SLC4A9: variants seen among roughly 807,000 people sequenced by gnomAD.
SLC4A9 encodes solute carrier family 4 member 9.
SLC4A9 carries 102 observed loss-of-function variants against 103.2 expected under a neutral mutation model. That is an observed-to-expected ratio of 0.99 (90% CI 0.84 to 1.17). The LOEUF (loss-of-function observed/expected upper bound fraction) is 1.17. Among genes scored for constraint, SLC4A9 ranks in the 50% most tolerant of loss-of-function variants. The pLI is 0.00. For missense variants in SLC4A9, 1,091 were observed against 1,193.7 expected (o/e 0.91, Z 1.27); for synonymous variants, 453 against 483.6 (o/e 0.94, Z 0.83).
chr5:140,363,289 C>G lies in SLC4A9; in HGVS notation c.963-150C>G. ...CTGGCTTTCACAGGTCGCAATATGACCTGGACCTTCTAGAGGCCCAGGTGT... is the reference window on the plus strand; with the variant it reads ...CTGGCTTTCACAGGTCGCAATATGAGCTGGACCTTCTAGAGGCCCAGGTGT... On this transcript the variant is annotated intron_variant, in intron 7 of 21. Coordinates refer to ENST00000506757, the MANE Select transcript of SLC4A9 (RefSeq NM_031467.3). The surrounding 1 kb of genome is among the most constrained non-coding windows in gnomAD (Gnocchi z 4.5). 1.1e-6 allele frequency: 1 copy of G among 910,490 alleles called. No individual in the cohort carries two copies. Among genetic ancestry groups the G allele is most frequent in the East Asian group, 2.6e-5 (1 of 37,840 alleles). 56.4% of individuals were successfully genotyped at this position (910,490 alleles called of 1,614,324 possible).
rs919521362 is a variant in SLC4A9 at position 140,366,132 on chromosome 5, A to G, written c.1900-19A>G. ...GAGATGGCAGGCCTGGACCTGACTGAGTGTCCACTGTGTGCCAGGTGCGCA... is the reference window on the plus strand; with the variant it reads ...GAGATGGCAGGCCTGGACCTGACTGGGTGTCCACTGTGTGCCAGGTGCGCA... On this transcript the variant is annotated intron_variant, in intron 13 of 21. Transcript: ENST00000506757. 1 of 1,611,426 alleles carries G rather than the reference A, an allele frequency of 6.2e-7. No individual in the cohort carries two copies. Among genetic ancestry groups the G allele is most frequent in the African/African-American group, 1.3e-5 (1 of 74,850 alleles).
chr5:140,370,655 T>C (rs1179075779), intron 17 of SLC4A9, among the ~76,000 whole-genome samples: 7 of 151,972 alleles, frequency 4.6e-5, no homozygotes, highest in African/African-American at 1.7e-4. Flanking sequence ...GCATGAGTAA[T>C]AAGAATAAAC....
intron 18 of SLC4A9, 36 bp downstream of exon 18, chr5:140,371,199 G>A: frequency 6.3e-7 from 1 of 1,582,140 alleles, no homozygotes. Flanking sequence ...AAAGAAAAAA[G>A]AAGAATAAAA....
rs1283464496 is a variant in SLC4A9 at position 140,367,398 on chromosome 5, T to C, written c.2014-22T>C. On this transcript the variant is annotated intron_variant, in intron 14 of 21. Coordinates refer to ENST00000506757, the MANE Select transcript of SLC4A9 (RefSeq NM_031467.3). Reference sequence around the variant, plus strand: ...CTCTTGGGAGACCCACTCCAACCTGTCCATGAAATGCCCTCCTCCAGCCCA... The same window carrying C: ...CTCTTGGGAGACCCACTCCAACCTGCCCATGAAATGCCCTCCTCCAGCCCA... The C allele has an allele frequency of 3.1e-6, 5 of 1,608,768 alleles. No homozygotes were observed. The Admixed American group carries it at 5.0e-5, about 16-fold the overall frequency.
Position 140,366,140 on chromosome 5 carries a change from CTGTG to C in SLC4A9, c.1900-8_1900-5del, listed in dbSNP as rs1157217989. 3.1e-6 allele frequency: 5 copies of C among 1,612,524 alleles called. No homozygotes were observed. The highest frequency in any genetic ancestry group is 3.4e-6 in the Non-Finnish European group (4 of 1,178,986). On this transcript the variant is annotated splice_region_variant and splice_polypyrimidine_tract_variant and intron_variant, in intron 13 of 21. Coordinates refer to ENST00000506757, the MANE Select transcript of SLC4A9 (RefSeq NM_031467.3). ...AGGCCTGGACCTGACTGAGTGTCCACTGTGTGCCAGGTGCGCAAAGGGCTCAGCG... is the reference window on the plus strand; with the variant it reads ...AGGCCTGGACCTGACTGAGTGTCCACTGCCAGGTGCGCAAAGGGCTCAGCG...
chr5:140,363,776 C>T lies in SLC4A9; in HGVS notation c.1128C>T (p.Tyr376=). Residue 376 remains tyrosine (Y), a synonymous_variant, in exon 9 of 22, where the codon TAC becomes TAT. Coordinates refer to ENST00000506757, the MANE Select transcript of SLC4A9 (RefSeq NM_031467.3). The surrounding 1 kb of genome is among the most constrained non-coding windows in gnomAD (Gnocchi z 4.5). ...IQDVRRKVPW[Y]PSDFLDALHL... is the part of the protein sequence containing the mutation. Reference sequence around the variant, plus strand: ...ACGTGCGCAGGAAGGTCCCGTGGTACCCCAGCGATTTCTTGGACGCCCTGC... The same window carrying T: ...ACGTGCGCAGGAAGGTCCCGTGGTATCCCAGCGATTTCTTGGACGCCCTGC... 6.2e-6 allele frequency: 10 copies of T among 1,613,920 alleles called. No homozygotes were observed. Among genetic ancestry groups the T allele is most frequent in the Non-Finnish European group, 8.5e-6 (10 of 1,179,862 alleles).
At chr5:140,371,723 C>G in intron 19 of SLC4A9, 99 bp downstream of exon 19, 5 of 1,360,002 alleles carry the variant, frequency 3.7e-6, no homozygotes, top group Non-Finnish European at 5.1e-6. Context: ...AATCTCCCCT[C>G]TCACTCGCTG....
In SLC4A9 at chr5:140,372,287, T is replaced by G. The variant is rs1257279537; in HGVS notation, c.2716T>G (p.Ser906Ala). ...GVRKALERVF[S>A]PQELLWLDEL... Reference sequence around the variant, plus strand: ...CCGAAAGGCCCTGGAGAGGGTCTTCTCACCACAGGAACTCCTCTGGCTGGA... The same window carrying G: ...CCGAAAGGCCCTGGAGAGGGTCTTCGCACCACAGGAACTCCTCTGGCTGGA... Residue 906 changes from serine to alanine, a missense_variant, in exon 20 of 22, where the codon TCA becomes GCA. Ser to Ala is a moderately conservative substitution (Grantham distance 99). Transcript: ENST00000506757. The G allele has an allele frequency of 3.1e-6, 5 of 1,601,302 alleles. No homozygotes were observed. Among genetic ancestry groups the G allele is most frequent in the Non-Finnish European group, 4.3e-6 (5 of 1,176,458 alleles).
intron 17 of SLC4A9, among the ~76,000 whole-genome samples, chr5:140,370,272 T>G (rs1405365196): frequency 6.6e-6 from 1 of 151,980 alleles, no homozygotes; most frequent in Non-Finnish European, 1.5e-5. Flanking sequence ...GAGTCTAGCC[T>G]GGCCAACATG....
At chr5:140,364,721 A>T (rs1004470836) in intron 11 of SLC4A9, 96 bp downstream of exon 11, 2 of 1,432,726 alleles carry the variant, frequency 1.4e-6, no homozygotes, top group East Asian at 5.0e-5. Flanking sequence ...AAGTTCAGCA[A>T]AATGCTGCAT....
chr5:140,370,018 C>CA (rs148315910), intron 17 of SLC4A9, among the ~76,000 whole-genome samples: 3,025 of 151,920 alleles, frequency 0.02, 106 homozygotes, highest in African/African-American at 0.069. Context: ...CAAAACAAAA[C>CA]AAAAAATCCC....
Position 140,363,003 on chromosome 5 carries a change from C to A in SLC4A9, c.899C>A (p.Pro300Gln). 1.9e-6 allele frequency: 3 copies of A among 1,612,674 alleles called. No individual in the cohort carries two copies. Among genetic ancestry groups the A allele is most frequent in the Non-Finnish European group, 2.5e-6 (3 of 1,179,548 alleles). ...AFLEEVTVLP[P>Q]GRWDPTARIP... is the part of the protein sequence containing the mutation. ...CTAGAGGAGGTGACAGTGCTTCCCC[C>A]AGGTCGGTGGGACCCAACAGCCCGG... Residue 300 changes from proline to glutamine, a missense_variant, in exon 7 of 22, where the codon CCA becomes CAA. Transcript: ENST00000506757. The surrounding 1 kb of genome is among the most constrained non-coding windows in gnomAD (Gnocchi z 4.5).
intron 16 of SLC4A9, 144 bp from the exon 17 acceptor site, chr5:140,368,443 G>A (rs1045423687): frequency 5.0e-6 from 3 of 601,636 alleles, no homozygotes; most frequent in Non-Finnish European, 5.8e-6. Flanking sequence ...CAAGCTAAGG[G>A]CTCATCCCTC....
At position 140,372,741 on chromosome 5, in the gene SLC4A9, A is replaced by C; in HGVS notation, c.2827-4A>C. The C allele has an allele frequency of 6.4e-7, 1 of 1,573,698 alleles. No homozygotes were observed. Among genetic ancestry groups the C allele is most frequent in the Non-Finnish European group, 8.6e-7 (1 of 1,159,374 alleles). On this transcript the variant is annotated splice_region_variant and splice_polypyrimidine_tract_variant and intron_variant, in intron 20 of 21. Coordinates refer to ENST00000506757, the MANE Select transcript of SLC4A9 (RefSeq NM_031467.3). ...CAATCCATCTTGGGATCTGTCTTCC[A>C]CAGTCAGAGCTGATGTATCAGCCAA...
chr5:140,364,111 GCAGGCCAGCCCCT>G lies in SLC4A9; in HGVS notation c.1315_1327del (p.Gly439ProfsTer3). ...GGCTGGAGCTGCCTTCTGCCTGATG[GCAGGCCAGCCCCT>G]CACCATTCTGAGCAGCACGGGGCCA... is the stretch of plus-strand genomic sequence containing the variant. On this transcript the variant is annotated frameshift_variant, in exon 10 of 22. Transcript: ENST00000506757. LOFTEE classifies it high-confidence loss of function. 1 of 1,590,188 alleles carries G rather than the reference GCAGGCCAGCCCCT, an allele frequency of 6.3e-7. No individual in the cohort carries two copies.
chr5:140,364,219 A>G (rs1458485969), intron 10 of SLC4A9, 32 bp downstream of exon 10: 1 of 1,567,492 alleles, frequency 6.4e-7, no homozygotes, highest in Admixed American at 1.8e-5. Context: ...CCGGACCCTC[A>G]CTAGTGCCAT....
In SLC4A9 at chr5:140,361,842, G is replaced by T. The variant is rs906707834; in HGVS notation, c.540G>T (p.Glu180Asp). 23 of 1,614,014 alleles carry T rather than the reference G, an allele frequency of 1.4e-5. No individual in the cohort carries two copies. Among genetic ancestry groups the T allele is most frequent in the Non-Finnish European group, 1.9e-5 (22 of 1,179,898 alleles). Residue 180 changes from glutamate (E) to aspartate (D), a missense_variant, in exon 4 of 22, where the codon GAG becomes GAT. Physicochemically the swap from Glu to Asp is conservative, Grantham distance 45. Coordinates refer to ENST00000506757, the MANE Select transcript of SLC4A9 (RefSeq NM_031467.3). Reference sequence around the variant, plus strand: ...ATCCAAGAAAGGCTTCTGACAATGAGGAAGCCCCCCTGAGGGAACAGGTTT... The same window carrying T: ...ATCCAAGAAAGGCTTCTGACAATGATGAAGCCCCCCTGAGGGAACAGGTTT... ...STHPRKASDN[E>D]EAPLREQCQN...
At chr5:140,371,035 T>C (rs1428730554) in intron 17 of SLC4A9, 60 bp from the exon 18 acceptor site, 57 of 1,512,622 alleles carry the variant, frequency 3.8e-5, no homozygotes, top group Non-Finnish European at 5.2e-5. Flanking sequence ...CTGGGCATCC[T>C]GGGGCATCTG....
At chr5:140,361,096 C>A in intron 2 of SLC4A9, 124 bp downstream of exon 2, 2 of 1,203,986 alleles carry the variant, frequency 1.7e-6, no homozygotes, top group Non-Finnish European at 2.3e-6. Context: ...CTACCCTTGT[C>A]ACAGGGTGGA....
Sources: allele counts gnomAD v4.1 joint callset (sites outside exome capture counted in the v4.1 genomes callset), GRCh38; gene constraint gnomAD v4.1.1; non-coding constraint Gnocchi (gnomAD v3.1); transcripts MANE v1.5; gene names NCBI Gene and HGNC (gene_info 2026-07-23, HGNC 2026-07-21).